Variants in TRMT10B observed in about 807,000 individuals in gnomAD.
TRMT10B encodes tRNA methyltransferase 10B.
In TRMT10B, 33 loss-of-function variants were observed where a neutral mutation model predicts 43.8. The observed-to-expected ratio is 0.75, with a 90% CI of 0.57 to 1.01. TRMT10B has a LOEUF of 1.01. TRMT10B is among the 50% of genes least tolerant of loss of function. The probability of loss-of-function intolerance (pLI) is 0.00; values close to 1 mark genes in which losing one functional copy is unlikely to be tolerated. For missense variants in TRMT10B, 362 were observed against 369.8 expected, an observed-to-expected ratio of 0.98 and a Z score of 0.17; for synonymous variants, 137 against 130.6, an observed-to-expected ratio of 1.05 and a Z score of -0.34.
At chr9:37,773,634 T>C (rs1431896993) in intron 7 of TRMT10B, among the ~76,000 whole-genome samples, 1 of 152,168 alleles carries the variant, frequency 6.6e-6, no homozygotes, top group Non-Finnish European at 1.5e-5. Flanking sequence ...AAGAGATCGA[T>C]ACCATCCTGG....
chr9:37,767,662 G>GT (rs1827139344), intron 4 of TRMT10B, among the ~76,000 whole-genome samples: 1 of 151,878 alleles, frequency 6.6e-6, no homozygotes, highest in South Asian at 2.1e-4. Context: ...AGGGTAAAAA[G>GT]TTAAAACTTC....
chr9:37,753,636 G>A (rs1343392543), upstream of TRMT10B, among the ~76,000 whole-genome samples: 1 of 152,236 alleles, frequency 6.6e-6, no homozygotes, highest in Non-Finnish European at 1.5e-5. Context: ...GTTCAGAGAA[G>A]GTGGGCAACC....
chr9:37,769,948 T>C lies in TRMT10B; in HGVS notation c.581T>C (p.Ile194Thr). The C allele has an allele frequency of 6.2e-7, 1 of 1,614,064 alleles. No homozygotes were observed. The highest frequency in any genetic ancestry group is 8.5e-7 in the Non-Finnish European group (1 of 1,179,930). ...ACTGTTTGCATTTTCCAGTTAGACA[T>C]AACAGAAGAAGACTGCTTTAGTTTA... ...NDGFSSYLLD[I>T]TEEDCFSLFP... Residue 194 changes from isoleucine to threonine, a missense_variant, in exon 6 of 9, where the codon ATA (isoleucine) becomes ACA (threonine). Physicochemically the swap from Ile to Thr is moderately conservative, Grantham distance 89. Transcript: ENST00000297994.
At chr9:37,753,260 G>GT, upstream of TRMT10B, among the ~76,000 whole-genome samples, 3 of 152,334 alleles carry the variant, frequency 2.0e-5, no homozygotes, top group Admixed American at 2.0e-4. Flanking sequence ...GTGAGACCAA[G>GT]AATCCACCAT....
intron 7 of TRMT10B, 63 bp downstream of exon 7, chr9:37,770,802 T>G: frequency 1.3e-6 from 2 of 1,551,848 alleles, no homozygotes; most frequent in Non-Finnish European, 1.8e-6. Context: ...TAGAGGCATG[T>G]GCCCTGTTAT....
At position 37,763,549 on chromosome 9, in the gene TRMT10B, C is replaced by A. The variant is rs577418452; in HGVS notation, c.296-80C>A. The stretch of plus-strand genomic sequence containing the variant: ...CAAGTTTCTCTTTATATGCAAAATA[C>A]CCACCTGGCTAAGATTTGTTTCTTA... On this transcript the variant is annotated intron_variant, in intron 3 of 8. Transcript: ENST00000297994. 5.8e-5 allele frequency: 74 copies of A among 1,265,176 alleles called. No homozygotes were observed. The South Asian group carries it at 9.5e-4, about 16-fold the overall frequency. The allele number at this position is 1,265,176 out of a possible 1,614,324, so 78.4% of individuals were successfully genotyped here. A position where few individuals can be genotyped will look rare whatever the true frequency, so the allele number is the denominator to read the frequency against.
chr9:37,755,697 G>A (rs1267769739), intron 1 of TRMT10B, among the ~76,000 whole-genome samples: 2 of 152,176 alleles, frequency 1.3e-5, no homozygotes, highest in African/African-American at 4.8e-5. Context: ...GATTTGCAAG[G>A]TTATTGCATC....
At chr9:37,777,042 A>C (rs1828232297) in intron 8 of TRMT10B, among the ~76,000 whole-genome samples, 1 of 150,692 alleles carries the variant, frequency 6.6e-6, no homozygotes, top group Non-Finnish European at 1.5e-5. Flanking sequence ...AAAAATACAA[A>C]AATTAGCAGG....
chr9:37,766,928 T>A (rs1158243632), intron 4 of TRMT10B: 2 of 152,206 alleles, frequency 1.3e-5, no homozygotes, highest in Non-Finnish European at 2.9e-5. Flanking sequence ...TGATTTTGTA[T>A]AAAAAGGATT....
chr9:37,776,821 C>G (rs1174306192), intron 8 of TRMT10B, among the ~76,000 whole-genome samples: 1 of 151,568 alleles, frequency 6.6e-6, no homozygotes, highest in Non-Finnish European at 1.5e-5. Context: ...ACCACTTGAA[C>G]CTGGGAAGTG....
At chr9:37,762,160 A>C (rs749880102) in intron 2 of TRMT10B, 43 bp downstream of exon 2, 2 of 1,567,760 alleles carry the variant, frequency 1.3e-6, no homozygotes, top group South Asian at 2.3e-5. Flanking sequence ...GAATGATGGA[A>C]TGTCTCAAGA....
At chr9:37,760,879 A>G (rs1826255114) in intron 1 of TRMT10B, among the ~76,000 whole-genome samples, 1 of 152,234 alleles carries the variant, frequency 6.6e-6, no homozygotes, top group South Asian at 2.1e-4. Flanking sequence ...GTGACATTTG[A>G]CCATTGACTA....
chr9:37,769,972 T>A lies in TRMT10B; in HGVS notation c.605T>A (p.Leu202Ter). ...LDITEEDCFS[L>*]FPLETLVYLT... ...ATAACAGAAGAAGACTGCTTTAGTT[T>A]ATTTCCCTTGGAAACCCTTGTGTAC... The change falls in exon 6 of 9, where the codon TTA becomes TAA. Residue 202 changes from leucine (L) to a stop codon, truncating the protein, a stop_gained. Transcript: ENST00000297994. LOFTEE classifies it high-confidence loss of function. 6.2e-7 allele frequency: 1 copy of A among 1,614,200 alleles called. No homozygotes were observed. Among genetic ancestry groups the A allele is most frequent in the Non-Finnish European group, 8.5e-7 (1 of 1,180,016 alleles).
chr9:37,763,143 CAAAAAAA>C (rs747893643), intron 3 of TRMT10B, among the ~76,000 whole-genome samples: 2 of 50,212 alleles, frequency 4.0e-5, no homozygotes, highest in Non-Finnish European at 7.9e-5. Flanking sequence ...GACTCTGTCT[CAAAAAAA>C]AAAAAAAAAA....
Position 37,769,930 on chromosome 9 carries a change from G to C in TRMT10B, c.574-11G>C. The C allele has an allele frequency of 6.2e-7, 1 of 1,613,052 alleles. No homozygotes were observed. Among genetic ancestry groups the C allele is most frequent in the Non-Finnish European group, 8.5e-7 (1 of 1,179,100 alleles). On this transcript the variant is annotated splice_polypyrimidine_tract_variant and intron_variant, in intron 5 of 8. Coordinates refer to ENST00000297994, the MANE Select transcript of TRMT10B (RefSeq NM_144964.4). ...GAGCTGTTTTAACATCAGACTGTTT[G>C]CATTTTCCAGTTAGACATAACAGAA...
At chr9:37,760,743 T>TA (rs1826237710) in intron 1 of TRMT10B, among the ~76,000 whole-genome samples, 2 of 152,196 alleles carry the variant, frequency 1.3e-5, no homozygotes, top group Admixed American at 6.5e-5. Context: ...AGTTTTTTTT[T>TA]AACACCATAT....
chr9:37,756,829 CGTGT>C (rs1005401197), intron 1 of TRMT10B, among the ~76,000 whole-genome samples: 12 of 147,138 alleles, frequency 8.2e-5, no homozygotes, highest in Admixed American at 3.4e-4. Context: ...TGTGTGTATG[CGTGT>C]GTATGTATGT....
intron 3 of TRMT10B, among the ~76,000 whole-genome samples, chr9:37,763,165 A>AC (rs1826594886): frequency 1.4e-5 from 2 of 143,838 alleles, no homozygotes; most frequent in African/African-American, 5.1e-5. Flanking sequence ...AAAAAAAAAA[A>AC]CAAAAAAAAA....
At chr9:37,754,993 G>A (rs1825464043) in intron 1 of TRMT10B, among the ~76,000 whole-genome samples, 1 of 152,160 alleles carries the variant, frequency 6.6e-6, no homozygotes, top group Non-Finnish European at 1.5e-5. Context: ...TCACAGGGTC[G>A]GGTGTGGTGG....
Sources: gnomAD v4.1 joint callset for allele counts (sites outside exome capture counted in the v4.1 genomes callset) on GRCh38, gnomAD v4.1.1 for gene constraint, MANE v1.5 for transcripts, NCBI Gene and HGNC (gene_info 2026-07-23, HGNC 2026-07-21) for gene names.